Variants in HYDIN observed in about 807,000 individuals in gnomAD.
HYDIN encodes HYDIN axonemal central pair apparatus protein.
HYDIN carries 132 observed loss-of-function variants against 403.9 expected under a neutral mutation model. The ratio of observed to expected loss-of-function variants is 0.33; its 90% CI spans 0.28 to 0.38. HYDIN has a LOEUF of 0.38. HYDIN is among the 10% of genes least tolerant of loss of function. The pLI is 1.00. For missense variants in HYDIN, 2,827 were observed against 5,009.5 expected, an observed-to-expected ratio of 0.56 and a Z score of 13.15; for synonymous variants, 1,202 against 1,891.7, an observed-to-expected ratio of 0.64 and a Z score of 9.46.
At chr16:70,837,960 G>T in intron 76 of HYDIN, 72 bp from the exon 77 acceptor site, 1 of 1,511,740 alleles carries the variant, frequency 6.6e-7, no homozygotes, top group East Asian at 2.4e-5. Context: ...CTGTCTCCTT[G>T]TCTCTTTGGG....
intron 21 of HYDIN, among the ~76,000 whole-genome samples, chr16:71,022,290 C>T (rs1472766343): frequency 1.3e-5 from 2 of 152,102 alleles, no homozygotes; most frequent in South Asian, 2.1e-4. Flanking sequence ...TTAAAATGAC[C>T]CCTTCTCTTT....
chr16:71,090,843 G>T (rs907524673), intron 11 of HYDIN, among the ~76,000 whole-genome samples: 2 of 147,280 alleles, frequency 1.4e-5, no homozygotes, highest in Non-Finnish European at 1.5e-5. Flanking sequence ...TAATAGAATG[G>T]GTTTAAATTT....
chr16:70,964,419 T>C (rs2143961161), intron 37 of HYDIN, among the ~76,000 whole-genome samples: 2 of 151,504 alleles, frequency 1.3e-5, no homozygotes, highest in African/African-American at 2.4e-5. Context: ...TGCGCTTCAG[T>C]TTCTCATCTG....
At chr16:70,905,554 G>A (rs2456149) in intron 50 of HYDIN, among the ~76,000 whole-genome samples, 62,639 of 140,118 alleles carry the variant, frequency 0.45, 15,990 homozygotes, top group Non-Finnish European at 0.59. Flanking sequence ...GATTGCTTGA[G>A]CCTGGGAGCT....
At chr16:70,977,746 C>T (rs549959009) in intron 30 of HYDIN, among the ~76,000 whole-genome samples, 16 of 145,914 alleles carry the variant, frequency 1.1e-4, no homozygotes, top group Non-Finnish European at 2.1e-4. Context: ...TTTTGTCTTC[C>T]TATCCCAGCC....
At position 70,979,005 on chromosome 16, in the gene HYDIN, C is replaced by T; in HGVS notation, c.4547G>A (p.Arg1516Lys). Residue 1516 changes from arginine (R) to lysine (K), a missense_variant, in exon 30 of 86, where the codon AGG (arginine) becomes AAG (lysine). By Grantham distance (26) the Arg-to-Lys change is conservative. Coordinates refer to ENST00000393567, the MANE Select transcript of HYDIN (RefSeq NM_001270974.2). ...GTTATACTCTTTGTCTGTGTTTTTC[C>T]TGGCTTGATTCAAGAACATTTCATA... ...EKYEMFLNQA[R>K]KNTDKEYNKC... 6.2e-7 allele frequency: 1 copy of T among 1,613,388 alleles called. No homozygotes were observed. Among genetic ancestry groups the T allele is most frequent in the Non-Finnish European group, 8.5e-7 (1 of 1,179,930 alleles).
intron 52 of HYDIN, among the ~76,000 whole-genome samples, chr16:70,901,635 G>A (rs2076382341): frequency 6.7e-6 from 1 of 148,198 alleles, no homozygotes; most frequent in Non-Finnish European, 1.5e-5. Flanking sequence ...ATCCAGTCTG[G>A]AGTGCAGTGG....
In HYDIN at chr16:70,894,444, G is replaced by T. The variant is rs769503049; in HGVS notation, c.9248+5C>A. ...TGGCCTTACATCTGATGGGATTCCA[G>T]TTACCTGAACGCGATCTCATATTTC... On this transcript the variant is annotated splice_donor_5th_base_variant and intron_variant, in intron 55 of 85. Coordinates refer to ENST00000393567, the MANE Select transcript of HYDIN (RefSeq NM_001270974.2). 1.9e-6 allele frequency: 3 copies of T among 1,603,078 alleles called. No individual in the cohort carries two copies. The African/African-American group carries it at 4.0e-5, about 22-fold the overall frequency.
rs1317309398 is a variant in HYDIN, at chr16:71,218,918, T to C, written c.-24+11644A>G. 4.6e-5 allele frequency among the ~76,000 whole-genome samples: 7 copies of C among 152,226 alleles called. No individual in the cohort carries two copies. The East Asian group carries it at 5.8e-4, about 13-fold the overall frequency. On this transcript the variant is annotated intron_variant, in intron 1 of 85. Coordinates refer to ENST00000393567, the MANE Select transcript of HYDIN (RefSeq NM_001270974.2). ...TAATTACCAGGCATATTCCAAAGCATTGCAAGACTACTTTTGGCTTCATAA... is the reference window on the plus strand; with the variant it reads ...TAATTACCAGGCATATTCCAAAGCACTGCAAGACTACTTTTGGCTTCATAA...
intron 52 of HYDIN, among the ~76,000 whole-genome samples, chr16:70,902,821 A>ATATATATATATTTTTTTTTTTTTTTT: frequency 4.2e-5 from 2 of 47,312 alleles, no homozygotes; most frequent in African/African-American, 1.2e-4. Flanking sequence ...ATATATATAT[A>ATATATATATATTTTTTTTTTTTTTTT]TTTTTTTTTT....
rs1397450717 is a variant in HYDIN, at chr16:70,863,069, T to C, written c.11569+16A>G. 4.3e-6 allele frequency: 7 copies of C among 1,613,812 alleles called. No homozygotes were observed. The highest frequency in any genetic ancestry group is 5.9e-6 in the Non-Finnish European group (7 of 1,179,800). On this transcript the variant is annotated intron_variant, in intron 68 of 85. Transcript: ENST00000393567. ...ACTCAGGCCAGGCCCTGGGTTTTAC[T>C]TGCCACTGAATTTACCTTGGTGATC...
At chr16:71,093,986 A>T in intron 10 of HYDIN, 51 bp from the exon 11 acceptor site, 1 of 1,584,700 alleles carries the variant, frequency 6.3e-7, no homozygotes, top group Non-Finnish European at 8.6e-7. Flanking sequence ...CATTTACCCC[A>T]AATCATGTTC....
chr16:70,932,365 G>T (rs1450364400), intron 45 of HYDIN, among the ~76,000 whole-genome samples: 1 of 152,048 alleles, frequency 6.6e-6, no homozygotes, highest in Non-Finnish European at 1.5e-5. Context: ...AAAAAATAAA[G>T]AAATAAAAAA....
chr16:70,880,673 A>G (rs1470248746), intron 60 of HYDIN, among the ~76,000 whole-genome samples: 2 of 152,192 alleles, frequency 1.3e-5, no homozygotes, highest in African/African-American at 2.4e-5. Context: ...TGGCTAGAAC[A>G]ACCTCCCACA....
chr16:71,118,358 C>G (rs1411709162), intron 9 of HYDIN, among the ~76,000 whole-genome samples: 1 of 149,680 alleles, frequency 6.7e-6, no homozygotes, highest in East Asian at 2.0e-4. Flanking sequence ...TACCCCCACC[C>G]AAACCAGAGT....
intron 60 of HYDIN, among the ~76,000 whole-genome samples, chr16:70,881,847 T>G (rs942643720): frequency 8.5e-5 from 13 of 152,246 alleles, no homozygotes; most frequent in African/African-American, 3.1e-4. Context: ...GATTCTACTT[T>G]CAGGCAGAGA....
intron 10 of HYDIN, among the ~76,000 whole-genome samples, chr16:71,096,406 C>G (rs2083279452): frequency 6.6e-6 from 1 of 152,190 alleles, no homozygotes; most frequent in Non-Finnish European, 1.5e-5. Context: ...TGTCTTTCAT[C>G]AATTCTGAAA....
intron 53 of HYDIN, among the ~76,000 whole-genome samples, chr16:70,900,297 G>GA (rs1202728665): frequency 6.7e-6 from 1 of 150,248 alleles, no homozygotes. Context: ...CCAACATGGT[G>GA]AAACCCCGTC....
intron 45 of HYDIN, among the ~76,000 whole-genome samples, chr16:70,930,003 A>G (rs1300690028): frequency 1.3e-5 from 2 of 152,160 alleles, no homozygotes; most frequent in Admixed American, 1.3e-4. Flanking sequence ...AGACTGAATG[A>G]AATAGAAACA....
Sources: gnomAD v4.1 joint callset for allele counts (sites outside exome capture counted in the v4.1 genomes callset) on GRCh38, gnomAD v4.1.1 for gene constraint, MANE v1.5 for transcripts, NCBI Gene and HGNC (gene_info 2026-07-23, HGNC 2026-07-21) for gene names.